Variants in SIPA1L3 observed in about 807,000 individuals in gnomAD.
SIPA1L3 encodes the protein signal-induced proliferation-associated 1-like protein 3.
In SIPA1L3, 59 loss-of-function variants were observed where a neutral mutation model predicts 150.1. The observed-to-expected ratio is 0.39, with a 90% CI of 0.32 to 0.49. The LOEUF (loss-of-function observed/expected upper bound fraction) is 0.49. SIPA1L3 is among the 20% of genes least tolerant of loss of function. The pLI is 0.86. For missense variants in SIPA1L3, 2,211 were observed against 2,489.5 expected, an observed-to-expected ratio of 0.89 and a Z score of 2.38; for synonymous variants, 1,070 against 1,077.6, an observed-to-expected ratio of 0.99 and a Z score of 0.14.
rs1968315755 is a variant in SIPA1L3 at position 38,019,400 on chromosome 19, G to T, written c.-378-9689G>T. On this transcript the variant is annotated intron_variant, in intron 1 of 21. Transcript: ENST00000222345. ...GCTAGTGAGTCTGGAGTCCAGGTGG[G>T]AATAGGGTGAGGGAGAGGCACAAAA... is the stretch of plus-strand genomic sequence containing the variant. 3.9e-5 allele frequency among the ~76,000 whole-genome samples: 6 copies of T among 152,316 alleles called. No homozygotes were observed. The East Asian group carries it at 9.6e-4, about 24-fold the overall frequency.
chr19:37,965,775 C>T (rs559147256), intron 1 of SIPA1L3, among the ~76,000 whole-genome samples: 4 of 140,094 alleles, frequency 2.9e-5, no homozygotes, highest in African/African-American at 2.7e-5. Context: ...TTTCTGATGT[C>T]GGTATCATCA....
chr19:37,927,521 C>CGTGTGTGT (rs144453861), intron 1 of SIPA1L3, among the ~76,000 whole-genome samples: 78 of 136,822 alleles, frequency 5.7e-4, no homozygotes, highest in African/African-American at 1.8e-3. Context: ...GTCTGTTGTT[C>CGTGTGTGT]GTGTGTGTGT....
chr19:37,930,912 T>A (rs1234789171), intron 1 of SIPA1L3, among the ~76,000 whole-genome samples: 2 of 149,400 alleles, frequency 1.3e-5, no homozygotes, highest in African/African-American at 4.9e-5. Context: ...TCTGTGCCAG[T>A]TCATTCACAG....
chr19:37,921,692 C>T (rs906560742), intron 1 of SIPA1L3, among the ~76,000 whole-genome samples: 2 of 152,010 alleles, frequency 1.3e-5, no homozygotes, highest in Admixed American at 1.3e-4. Flanking sequence ...CCTCGAACTC[C>T]TGGGCTCAAG....
At chr19:38,028,551 C>T (rs573322764) in intron 1 of SIPA1L3, among the ~76,000 whole-genome samples, 4 of 152,334 alleles carry the variant, frequency 2.6e-5, no homozygotes, top group South Asian at 4.1e-4. Flanking sequence ...ATCAAGGTTC[C>T]ACTCTGTGAC....
intron 9 of SIPA1L3, among the ~76,000 whole-genome samples, chr19:38,126,256 T>A (rs1255246927): frequency 6.7e-6 from 1 of 148,772 alleles, no homozygotes; most frequent in Non-Finnish European, 1.5e-5. Flanking sequence ...AAAAGGGGGG[T>A]GTGGAGGATG....
intron 2 of SIPA1L3, among the ~76,000 whole-genome samples, chr19:38,069,733 C>T (rs577950272): frequency 2.6e-5 from 4 of 151,902 alleles, no homozygotes; most frequent in Non-Finnish European, 4.4e-5. Flanking sequence ...GGTGCGATCT[C>T]GGCTTACTGC....
chr19:38,082,986 C>T lies in SIPA1L3; in HGVS notation c.1421C>T (p.Ser474Leu), dbSNP rs1970043133. 11 of 1,613,118 alleles carry T rather than the reference C, an allele frequency of 6.8e-6. No individual in the cohort carries two copies. The highest frequency in any genetic ancestry group is 7.6e-6 in the Non-Finnish European group (9 of 1,179,914). Residue 474 changes from serine (S) to leucine (L), a missense_variant, in exon 3 of 22, where the codon TCG (serine) becomes TTG (leucine). Coordinates refer to ENST00000222345, the MANE Select transcript of SIPA1L3 (RefSeq NM_015073.3). ...LSAYRTNASI[S>L]VLEVPKEQQR... ...GCCTACCGCACCAACGCCAGCATCT[C>T]GGTGTTGGAAGTTCCCAAGGAGCAG...
intron 16 of SIPA1L3, 49 bp downstream of exon 16, chr19:38,182,789 C>A (rs752273935): frequency 2.7e-6 from 4 of 1,454,906 alleles, no homozygotes; most frequent in East Asian, 4.6e-5. Context: ...CACACCAGGG[C>A]GTCTCCGGGG....
intron 1 of SIPA1L3, among the ~76,000 whole-genome samples, chr19:37,950,994 G>A (rs983973704): frequency 1.3e-5 from 2 of 152,236 alleles, no homozygotes; most frequent in African/African-American, 4.8e-5. Context: ...TGGTTTGGCC[G>A]CCCTACAACC....
At position 38,198,419 on chromosome 19, in the gene SIPA1L3, C is replaced by A; in HGVS notation, c.4871C>A (p.Ala1624Asp). ...STISASELSL[A>D]DGRDRPLRRL... ...ATCTCAGCCTCGGAGCTCTCGCTGG[C>A]TGATGGGCGGGACCGCCCCCTGCGG... The change falls in exon 19 of 22, where the codon GCT (alanine) becomes GAT (aspartate). Residue 1624 changes from alanine (A) to aspartate (D), a missense_variant. By Grantham distance (126) the Ala-to-Asp change is moderately radical (BLOSUM62 -2). This residue lies in a region of SIPA1L3 where 806 missense variants were observed against 870.1 expected (regional missense o/e 0.93). Coordinates refer to ENST00000222345, the MANE Select transcript of SIPA1L3 (RefSeq NM_015073.3). 1 of 1,587,724 alleles carries A rather than the reference C, an allele frequency of 6.3e-7. No individual in the cohort carries two copies. The highest frequency in any genetic ancestry group is 1.8e-5 in the Admixed American group (1 of 55,690).
chr19:38,097,148 A>T (rs572772936), intron 4 of SIPA1L3, among the ~76,000 whole-genome samples: 1 of 152,340 alleles, frequency 6.6e-6, no homozygotes, highest in African/African-American at 2.4e-5. Flanking sequence ...TAGGAGTTGC[A>T]GACCAGCCTG....
intron 15 of SIPA1L3, among the ~76,000 whole-genome samples, chr19:38,181,670 G>A (rs145331324): frequency 1.3e-5 from 2 of 151,466 alleles, no homozygotes; most frequent in East Asian, 2.0e-4. Flanking sequence ...ATGGTGAAAC[G>A]CTGTCTCTAC....
chr19:38,178,104 T>G lies in SIPA1L3; in HGVS notation c.4209-4415T>G, dbSNP rs974600858. On this transcript the variant is annotated intron_variant, in intron 15 of 21. Transcript: ENST00000222345. ...GGCTTTTGGTGTGTGTGTGTGTGTG[T>G]GTGTGTGTGTGTGTGTGTGTGTGTG... Among the ~76,000 whole-genome samples, 482 of 126,832 alleles carry G rather than the reference T, an allele frequency of 3.8e-3. 3 individuals carry two copies. The highest frequency in any genetic ancestry group is 0.018 in the African/African-American group (460 of 25,622). The allele number at this position is 126,832 out of a possible 152,430, so 83.2% of individuals were successfully genotyped here. A position where few individuals can be genotyped will look rare whatever the true frequency, so the allele number is the denominator to read the frequency against.
At chr19:38,069,478 C>T (rs947104071) in intron 2 of SIPA1L3, among the ~76,000 whole-genome samples, 1 of 152,120 alleles carries the variant, frequency 6.6e-6, no homozygotes, top group African/African-American at 2.4e-5. Context: ...CTTGGATGTA[C>T]AGCCTCTCCG....
At chr19:38,031,584 G>A (rs983380540) in intron 2 of SIPA1L3, among the ~76,000 whole-genome samples, 13 of 152,114 alleles carry the variant, frequency 8.5e-5, no homozygotes, top group African/African-American at 2.9e-4. Flanking sequence ...TTCTCAGTGC[G>A]TCATTGTGGG....
At chr19:38,086,332 T>A (rs1385519942) in intron 3 of SIPA1L3, among the ~76,000 whole-genome samples, 7 of 148,142 alleles carry the variant, frequency 4.7e-5, no homozygotes, top group African/African-American at 1.7e-4. Flanking sequence ...CCTGGAGCTT[T>A]AAAAAAAAAA....
chr19:38,032,077 C>T (rs1968665871), intron 2 of SIPA1L3, among the ~76,000 whole-genome samples: 1 of 152,238 alleles, frequency 6.6e-6, no homozygotes, highest in South Asian at 2.1e-4. Flanking sequence ...GTCTTGTCTA[C>T]AGCAGTTACT....
chr19:37,953,640 C>T (rs749713226), intron 1 of SIPA1L3, among the ~76,000 whole-genome samples: 8 of 152,220 alleles, frequency 5.3e-5, no homozygotes, highest in Non-Finnish European at 1.2e-4. Context: ...ATTGACCTAT[C>T]GGTTCAGAAA....
Sources: gnomAD v4.1 joint callset for allele counts (sites outside exome capture counted in the v4.1 genomes callset) on GRCh38, gnomAD v4.1.1 for gene constraint, gnomAD v4.1.1 regional missense constraint, MANE v1.5 for transcripts, NCBI Gene and HGNC (gene_info 2026-07-23, HGNC 2026-07-21) for gene names.